PDSS1: variants seen among roughly 807,000 people sequenced by gnomAD.
The protein encoded by PDSS1 is decaprenyl diphosphate synthase subunit 1.
PDSS1 carries 43 observed loss-of-function variants against 57.5 expected under a neutral mutation model. The ratio of observed to expected loss-of-function variants is 0.75; its 90% CI spans 0.59 to 0.96. The LOEUF (loss-of-function observed/expected upper bound fraction) is 0.96. Among genes scored for constraint, PDSS1 ranks in the 50% least tolerant of loss-of-function variants. The pLI, the probability that PDSS1 is intolerant of heterozygous loss-of-function variation, is 0.00. For missense variants in PDSS1, 438 were observed against 527.8 expected, an observed-to-expected ratio of 0.83 and a Z score of 1.67; for synonymous variants, 175 against 191.3, an observed-to-expected ratio of 0.91 and a Z score of 0.70.
chr10:26,704,679 A>G lies in PDSS1; in HGVS notation c.165A>G (p.Ile55Met). 1 of 1,280,050 alleles carries G rather than the reference A, an allele frequency of 7.8e-7. No homozygotes were observed. The highest frequency in any genetic ancestry group is 1.1e-6 in the Non-Finnish European group (1 of 876,474). 79.3% of individuals were successfully genotyped at this position (1,280,050 alleles called of 1,614,324 possible). The change falls in exon 3 of 12, where the codon ATA becomes ATG. Residue 55 changes from isoleucine (I) to methionine (M), a missense_variant and splice_region_variant. Transcript: ENST00000376215. ...HRRKGLDLSQ[I>M]PYINLVKHLT... ...TTCTTGACATTTTTATTTTATAGAT[A>G]CCCTATATTAATCTTGTGAAGCATT...
chr10:26,700,157 A>G (rs184684234), intron 1 of PDSS1, among the ~76,000 whole-genome samples: 33 of 148,428 alleles, frequency 2.2e-4, no homozygotes, highest in Non-Finnish European at 4.4e-4. Flanking sequence ...TTCTCAATAT[A>G]TCTTTGATTT....
intron 1 of PDSS1, 67 bp downstream of exon 1, chr10:26,697,907 A>C (rs958406667): frequency 3.4e-5 from 41 of 1,218,962 alleles, no homozygotes; most frequent in Non-Finnish European, 4.0e-5. Flanking sequence ...CAGTGGGCGG[A>C]ATGAATGGGA....
Position 26,697,731 on chromosome 10 carries a change from G to C in PDSS1, c.20G>C (p.Arg7Pro), listed in dbSNP as rs868484742. 7.7e-7 allele frequency: 1 copy of C among 1,297,344 alleles called. No individual in the cohort carries two copies. Among genetic ancestry groups the C allele is most frequent in the Non-Finnish European group, 9.7e-7 (1 of 1,027,092 alleles). The allele number at this position is 1,297,344 out of a possible 1,614,324, so 80.4% of individuals were successfully genotyped here. ...CCGACCATGGCCTCGCGCTGGTGGC[G>C]GTGGCGGCGCGGCTGCTCCTGGAAG... is the stretch of plus-strand genomic sequence containing the variant. MASRWW[R>P]WRRGCSWKPA... The change falls in exon 1 of 12, where the codon CGG becomes CCG. Residue 7 changes from arginine to proline, a missense_variant. By Grantham distance (103) the Arg-to-Pro change is moderately radical. Coordinates refer to ENST00000376215, the MANE Select transcript of PDSS1 (RefSeq NM_014317.5).
At position 26,706,762 on chromosome 10, in the gene PDSS1, T is replaced by C. The variant is rs189379717; in HGVS notation, c.336+1368T>C. Among the ~76,000 whole-genome samples, 63 of 152,264 alleles carry C rather than the reference T, an allele frequency of 4.1e-4. 2 individuals are homozygous for C. In the East Asian group the frequency reaches 0.011, roughly 26 times the overall value. ...GCCTCTCCTCTGAAGCTGGTTTTGC[T>C]TGGGTCACTGATAGCTTCCCTGTGC... On this transcript the variant is annotated intron_variant, in intron 4 of 11. Coordinates refer to ENST00000376215, the MANE Select transcript of PDSS1 (RefSeq NM_014317.5).
intron 8 of PDSS1, among the ~76,000 whole-genome samples, chr10:26,726,991 G>A (rs1223262266): frequency 6.6e-6 from 1 of 151,836 alleles, no homozygotes; most frequent in Non-Finnish European, 1.5e-5. Flanking sequence ...GAACCCGGGA[G>A]GTGGAGGTTG....
At chr10:26,702,641 A>G (rs1835086042) in intron 2 of PDSS1, among the ~76,000 whole-genome samples, 3 of 152,118 alleles carry the variant, frequency 2.0e-5, no homozygotes. Flanking sequence ...TAAATTACCC[A>G]GTCTTGGGTA....
chr10:26,720,139 G>A (rs576640821), intron 5 of PDSS1, 79 bp from the exon 6 acceptor site: 69 of 1,600,322 alleles, frequency 4.3e-5, no homozygotes, highest in Non-Finnish European at 5.2e-5. Flanking sequence ...TCCTAGATCC[G>A]ATGTCCAGTT....
intron 10 of PDSS1, among the ~76,000 whole-genome samples, chr10:26,737,889 C>T (rs1221676785): frequency 6.6e-6 from 1 of 152,090 alleles, no homozygotes; most frequent in Admixed American, 6.5e-5. Context: ...TCTCATCTGC[C>T]CATAAGGCAG....
intron 8 of PDSS1, among the ~76,000 whole-genome samples, chr10:26,732,353 C>G (rs1836237465): frequency 6.6e-6 from 1 of 152,198 alleles, no homozygotes. Flanking sequence ...GCAGTAATGT[C>G]CCTTCGCCAT....
chr10:26,697,816 C>G lies in PDSS1; in HGVS notation c.105C>G (p.Ser35Arg). 7.5e-7 allele frequency: 1 copy of G among 1,338,842 alleles called. No individual in the cohort carries two copies. The highest frequency in any genetic ancestry group is 1.9e-5 in the South Asian group (1 of 52,328). 82.9% of individuals were successfully genotyped at this position (1,338,842 alleles called of 1,614,324 possible). ...GCCGTGCGGGACCGTTGGGGCCGAG[C>G]GCCGCTGCCGAAGTCCGCGCGCAGG... ...SPGRAGPLGP[S>R]AAAEVRAQVH... The change falls in exon 1 of 12, where the codon AGC (serine) becomes AGG (arginine). Residue 35 changes from serine (S) to arginine (R), a missense_variant. Around this residue, in one of 2 missense-constraint regions of PDSS1, gnomAD observed 154 missense variants for 137.0 expected, o/e 1.12. Coordinates refer to ENST00000376215, the MANE Select transcript of PDSS1 (RefSeq NM_014317.5).
chr10:26,733,471 C>T (rs1253103105), intron 8 of PDSS1, among the ~76,000 whole-genome samples: 1 of 152,180 alleles, frequency 6.6e-6, no homozygotes, highest in African/African-American at 2.4e-5. Context: ...TCACTCAACT[C>T]AGTGGCCACC....
chr10:26,718,726 A>C (rs914252594), intron 5 of PDSS1: 4 of 143,300 alleles, frequency 2.8e-5, no homozygotes, highest in Non-Finnish European at 6.0e-5. Context: ...ACACCATTGC[A>C]CTCCAGCCTG....
chr10:26,726,093 C>A (rs937364003), intron 8 of PDSS1, among the ~76,000 whole-genome samples: 7 of 152,122 alleles, frequency 4.6e-5, no homozygotes, highest in Non-Finnish European at 8.8e-5. Flanking sequence ...TACAAAGGGT[C>A]CAAAGAAATG....
At chr10:26,714,596 C>G (rs552524478) in intron 5 of PDSS1, 5 of 152,348 alleles carry the variant, frequency 3.3e-5, no homozygotes, top group African/African-American at 1.2e-4. Context: ...CTAGCCTGCT[C>G]AGCTGCCTCA....
intron 4 of PDSS1, among the ~76,000 whole-genome samples, chr10:26,708,611 G>A (rs1835321143): frequency 6.6e-6 from 1 of 152,042 alleles, no homozygotes; most frequent in South Asian, 2.1e-4. Flanking sequence ...GGCTCTATGC[G>A]CTTACGTGGG....
chr10:26,731,778 G>C (rs534838323), intron 8 of PDSS1, among the ~76,000 whole-genome samples: 44 of 152,298 alleles, frequency 2.9e-4, no homozygotes, highest in Non-Finnish European at 5.7e-4. Context: ...ACATTTTTCA[G>C]ATGCTTAAGG....
At chr10:26,729,332 T>C (rs1228389199) in intron 8 of PDSS1, among the ~76,000 whole-genome samples, 1 of 152,182 alleles carries the variant, frequency 6.6e-6, no homozygotes, top group Non-Finnish European at 1.5e-5. Flanking sequence ...ACCCACTCAA[T>C]GGACAGAGCT....
At chr10:26,717,742 G>A (rs1281227496) in intron 5 of PDSS1, 1 of 151,972 alleles carries the variant, frequency 6.6e-6, no homozygotes, top group Non-Finnish European at 1.5e-5. Flanking sequence ...GCATGAGAAA[G>A]GCTAGACCTT....
intron 1 of PDSS1, among the ~76,000 whole-genome samples, chr10:26,698,095 T>C (rs1013834397): frequency 2.0e-5 from 3 of 150,036 alleles, no homozygotes; most frequent in Non-Finnish European, 3.0e-5. Context: ...GGGAGCGTTT[T>C]GGGGGGTGGA....
Sources: gnomAD v4.1 joint callset for allele counts (sites outside exome capture counted in the v4.1 genomes callset) on GRCh38, gnomAD v4.1.1 for gene constraint, gnomAD v4.1.1 regional missense constraint, MANE v1.5 for transcripts, NCBI Gene and HGNC (gene_info 2026-07-23, HGNC 2026-07-21) for gene names.